IFT80: variants seen among roughly 807,000 people sequenced by gnomAD.
IFT80 encodes intraflagellar transport protein 80 homolog.
In IFT80, 79 loss-of-function variants were observed where a neutral mutation model predicts 107.9. That is an observed-to-expected ratio of 0.73 (90% CI 0.61 to 0.88). The LOEUF (loss-of-function observed/expected upper bound fraction) is 0.88. Among genes scored for constraint, IFT80 ranks in the 40% least tolerant of loss-of-function variants. The pLI is 0.00. For missense variants in IFT80, 797 were observed against 914.2 expected (o/e 0.87, Z 1.65); for synonymous variants, 299 against 300.9 (o/e 0.99, Z 0.07).
intron 5 of IFT80, among the ~76,000 whole-genome samples, chr3:160,367,699 A>T (rs1221553368): frequency 6.6e-6 from 1 of 152,104 alleles, no homozygotes. Context: ...TACACTTGAT[A>T]GTGTTTTCAA....
intron 1 of IFT80, among the ~76,000 whole-genome samples, chr3:160,397,893 T>C (rs537315687): frequency 6.6e-6 from 1 of 152,034 alleles, no homozygotes; most frequent in South Asian, 2.1e-4. Context: ...TGCTAATTTT[T>C]TATTTTTAGT....
intron 14 of IFT80, among the ~76,000 whole-genome samples, chr3:160,281,253 T>C (rs1376235272): frequency 6.6e-6 from 1 of 152,160 alleles, no homozygotes; most frequent in Non-Finnish European, 1.5e-5. Context: ...CCTAGCTGCA[T>C]ACTGCTTTCA....
At chr3:160,381,195 C>G (rs1287657180) in intron 3 of IFT80, among the ~76,000 whole-genome samples, 1 of 142,640 alleles carries the variant, frequency 7.0e-6, no homozygotes, top group East Asian at 2.0e-4. Flanking sequence ...TATGATCACA[C>G]CACTGCACTC....
At chr3:160,323,093 A>G (rs1333027750) in intron 8 of IFT80, among the ~76,000 whole-genome samples, 1 of 150,186 alleles carries the variant, frequency 6.7e-6, no homozygotes, top group Non-Finnish European at 1.5e-5. Flanking sequence ...TTGGTGTTTT[A>G]GACATGAAGT....
At chr3:160,319,646 G>T in intron 9 of IFT80, 114 bp downstream of exon 9, 1 of 933,256 alleles carries the variant, frequency 1.1e-6, no homozygotes, top group African/African-American at 1.7e-5. Context: ...TTTCTAATGT[G>T]ACTGAATTTT....
chr3:160,360,177 G>A (rs965055551), intron 6 of IFT80, among the ~76,000 whole-genome samples: 2 of 152,220 alleles, frequency 1.3e-5, no homozygotes, highest in African/African-American at 4.8e-5. Context: ...TGATGGAACT[G>A]AAAACCATGG....
intron 8 of IFT80, among the ~76,000 whole-genome samples, chr3:160,349,219 G>A (rs1261113629): frequency 6.6e-6 from 1 of 152,048 alleles, no homozygotes; most frequent in African/African-American, 2.4e-5. Context: ...AGGCCGAAGC[G>A]AGTGGATCAC....
intron 8 of IFT80, among the ~76,000 whole-genome samples, chr3:160,346,808 C>T (rs1377476279): frequency 1.3e-5 from 2 of 152,132 alleles, no homozygotes; most frequent in African/African-American, 4.8e-5. Flanking sequence ...AATACACGGC[C>T]AGACCACCTA....
At chr3:160,394,316 G>GA (rs547666257) in intron 1 of IFT80, 353 of 149,826 alleles carry the variant, frequency 2.4e-3, no homozygotes, top group African/African-American at 7.3e-3. Context: ...ATGAGCTAAA[G>GA]AAAAAAAAAA....
At chr3:160,385,604 T>C (rs1712867087) in intron 1 of IFT80, among the ~76,000 whole-genome samples, 1 of 152,218 alleles carries the variant, frequency 6.6e-6, no homozygotes, top group African/African-American at 2.4e-5. Context: ...AAGCTGTATT[T>C]CAAAGCACTC....
At chr3:160,359,786 A>T (rs1168129565) in intron 6 of IFT80, among the ~76,000 whole-genome samples, 5 of 152,242 alleles carry the variant, frequency 3.3e-5, no homozygotes, top group Non-Finnish European at 5.9e-5. Context: ...GAAAACTAAC[A>T]AACAGAAAGG....
At chr3:160,307,011 CTA>C (rs965008873) in intron 10 of IFT80, among the ~76,000 whole-genome samples, 2 of 152,100 alleles carry the variant, frequency 1.3e-5, no homozygotes, top group Non-Finnish European at 2.9e-5. Flanking sequence ...AAATCCTTAA[CTA>C]TTTCTAACTC....
intron 7 of IFT80, 33 bp from the exon 8 acceptor site, chr3:160,356,183 T>C: frequency 6.3e-7 from 1 of 1,598,228 alleles, no homozygotes; most frequent in Non-Finnish European, 8.6e-7. Context: ...TCTTTTATAA[T>C]ATCAGGGAGA....
intron 10 of IFT80, among the ~76,000 whole-genome samples, chr3:160,307,181 T>A (rs760483216): frequency 6.6e-6 from 1 of 152,142 alleles, no homozygotes; most frequent in Non-Finnish European, 1.5e-5. Flanking sequence ...AGGGTCTCAC[T>A]CTGTTGTTCA....
intron 1 of IFT80, among the ~76,000 whole-genome samples, chr3:160,396,255 G>C (rs2108427891): frequency 6.6e-6 from 1 of 151,800 alleles, no homozygotes; most frequent in South Asian, 2.1e-4. Flanking sequence ...TTATCAAGAG[G>C]AATATTCACT....
At chr3:160,386,974 C>T (rs1712982375) in intron 1 of IFT80, among the ~76,000 whole-genome samples, 1 of 152,054 alleles carries the variant, frequency 6.6e-6, no homozygotes, top group African/African-American at 2.4e-5. Context: ...GCAATATGAA[C>T]TGACTTACAT....
chr3:160,277,260 T>C (rs1559914595), intron 18 of IFT80, 46 bp downstream of exon 18: 2 of 1,542,012 alleles, frequency 1.3e-6, no homozygotes, highest in African/African-American at 1.4e-5. Context: ...GAAAAATACA[T>C]TAAGGTCAAA....
Position 160,334,526 on chromosome 3 carries a change from G to C in IFT80, c.778-14587C>G, listed in dbSNP as rs190787664. The stretch of plus-strand genomic sequence containing the variant: ...CCGCCTCCCAGGTTCAAGCAATTCT[G>C]CTGCCTCAGCCTCCAGAGTAGCTGG... On this transcript the variant is annotated intron_variant, in intron 8 of 19. Coordinates refer to ENST00000326448, the MANE Select transcript of IFT80 (RefSeq NM_020800.3). 5.1e-4 allele frequency among the ~76,000 whole-genome samples: 77 copies of C among 150,578 alleles called. No homozygotes were observed. The East Asian group carries it at 0.014, about 27-fold the overall frequency.
Position 160,309,651 on chromosome 3 carries a change from C to T in IFT80, c.958-1870G>A, listed in dbSNP as rs539589409. On this transcript the variant is annotated intron_variant, in intron 9 of 19. Transcript: ENST00000326448. ...GCAGTGAGCTGAGATTGTGCCACTG[C>T]GCTCCAGGCTGGGCAACAGAGCGAG... Among the ~76,000 whole-genome samples the T allele has an allele frequency of 2.2e-4, 33 of 151,846 alleles. No homozygotes were observed. The South Asian group carries it at 3.3e-3, about 15-fold the overall frequency.
Sources: allele counts gnomAD v4.1 joint callset (sites outside exome capture counted in the v4.1 genomes callset), GRCh38; gene constraint gnomAD v4.1.1; transcripts MANE v1.5; gene names NCBI Gene and HGNC (gene_info 2026-07-23, HGNC 2026-07-21).